Variants in PAX2 observed in about 807,000 individuals in gnomAD.
PAX2 encodes paired box 2.
In PAX2, 9 loss-of-function variants were observed where a neutral mutation model predicts 41.7. That is an observed-to-expected ratio of 0.22 (90% CI 0.13 to 0.38). The LOEUF is 0.38. PAX2 is among the 10% of genes least tolerant of loss of function. PAX2 has a pLI of 1.00. For synonymous variants in PAX2, 221 were observed against 212.7 expected (o/e 1.04, Z -0.34); for missense variants, 418 against 531.6 (o/e 0.79, Z 2.10).
At chr10:100,747,491 A>T (rs4278455) in intron 1 of PAX2, 101,240 of 328,480 alleles carry the variant, frequency 0.31, 16,723 homozygotes, top group East Asian at 0.95. Context: ...TTTTTTTTTT[A>T]AAAGCTAAAA....
Position 100,754,166 on chromosome 10 carries a change from G to A in PAX2, c.410+3275G>A, listed in dbSNP as rs187207505. ...CATGCTACTGAAAAAGGAAAAAGTCGTCTAGTTACATAGCTGAGCAATTGT... is the reference window on the plus strand; with the variant it reads ...CATGCTACTGAAAAAGGAAAAAGTCATCTAGTTACATAGCTGAGCAATTGT... On this transcript the variant is annotated intron_variant, in intron 3 of 9. Coordinates refer to ENST00000355243, the MANE Select transcript of PAX2 (RefSeq NM_000278.5). Among the ~76,000 whole-genome samples the A allele has an allele frequency of 3.1e-3, 477 of 152,240 alleles. 4 individuals carry two copies. The highest frequency in any genetic ancestry group is 0.011 in the African/African-American group (454 of 41,524).
At chr10:100,740,727 T>A (rs1339699997), upstream of PAX2, among the ~76,000 whole-genome samples, 1 of 151,970 alleles carries the variant, frequency 6.6e-6, no homozygotes, top group Admixed American at 6.6e-5. Context: ...GGACTGTGTA[T>A]GTAGTGGCTG....
chr10:100,740,837 A>AC (rs1844929173), upstream of PAX2, among the ~76,000 whole-genome samples: 1 of 152,172 alleles, frequency 6.6e-6, no homozygotes, highest in Admixed American at 6.5e-5. Context: ...AGCCAGAAGT[A>AC]CCAGGGCCTC....
At chr10:100,761,744 C>A (rs1017174991) in intron 3 of PAX2, among the ~76,000 whole-genome samples, 15 of 152,118 alleles carry the variant, frequency 9.9e-5, no homozygotes, top group Non-Finnish European at 2.1e-4. Context: ...GGCTACTGGT[C>A]TCCAGGCCTG....
intron 3 of PAX2, among the ~76,000 whole-genome samples, chr10:100,755,310 G>A (rs117357427): frequency 0.011 from 1,707 of 152,310 alleles, 25 homozygotes; most frequent in Non-Finnish European, 0.016. Context: ...GGGGTTTCTG[G>A]TGAGAGCAAT....
At position 100,827,489 on chromosome 10, in the gene PAX2, G is replaced by C; in HGVS notation, c.1109-54G>C. The C allele has an allele frequency of 6.4e-7, 1 of 1,566,208 alleles. No individual in the cohort carries two copies. The highest frequency in any genetic ancestry group is 8.8e-7 in the Non-Finnish European group (1 of 1,136,772). ...TTTCTGTGCTTTTCTTTCCTTTTTTGTTCTCCTGTTTGTCCTCTCACCCAG... is the reference window on the plus strand; with the variant it reads ...TTTCTGTGCTTTTCTTTCCTTTTTTCTTCTCCTGTTTGTCCTCTCACCCAG... On this transcript the variant is annotated intron_variant, in intron 9 of 9. Coordinates refer to ENST00000355243, the MANE Select transcript of PAX2 (RefSeq NM_000278.5). This position sits in a 1 kb window ranked among gnomAD's most constrained non-coding sequence, Gnocchi z 8.5.
chr10:100,795,361 A>G (rs1453161190), intron 5 of PAX2, among the ~76,000 whole-genome samples: 1 of 152,226 alleles, frequency 6.6e-6, no homozygotes, highest in Non-Finnish European at 1.5e-5. Context: ...ACATCATTAT[A>G]TAATCAGAAT....
At position 100,750,126 on chromosome 10, in the gene PAX2, G is replaced by C; in HGVS notation, c.212+212G>C. 6.6e-6 allele frequency among the ~76,000 whole-genome samples: 1 copy of C among 152,356 alleles called. No individual in the cohort carries two copies. The highest frequency in any genetic ancestry group is 1.9e-4 in the East Asian group (1 of 5,190). On this transcript the variant is annotated intron_variant, in intron 2 of 9. Transcript: ENST00000355243. The surrounding 1 kb of genome is among the most constrained non-coding windows in gnomAD (Gnocchi z 4.1). ...GGTGGCGCAGTGTCACCCAGTGCTT[G>C]CCCTGCCCCTGGTCCCTGGTGAGAA...
At chr10:100,797,978 T>A (rs1476800023) in intron 5 of PAX2, among the ~76,000 whole-genome samples, 2 of 151,894 alleles carry the variant, frequency 1.3e-5, no homozygotes, top group Admixed American at 6.6e-5. Flanking sequence ...ACTCACTGAG[T>A]GTTTAGAAGC....
intron 3 of PAX2, among the ~76,000 whole-genome samples, chr10:100,755,768 A>C (rs1761909392): frequency 6.6e-6 from 1 of 152,164 alleles, no homozygotes; most frequent in Admixed American, 6.5e-5. Flanking sequence ...CCCTTGTCAC[A>C]GGGAAATGGA....
intron 4 of PAX2, among the ~76,000 whole-genome samples, chr10:100,780,768 G>A (rs1846588823): frequency 6.6e-6 from 1 of 152,202 alleles, no homozygotes. Flanking sequence ...GATTGGTAAA[G>A]ACTCAGCCCA....
intron 3 of PAX2, among the ~76,000 whole-genome samples, chr10:100,774,740 T>C (rs1415449158): frequency 6.6e-6 from 1 of 152,216 alleles, no homozygotes; most frequent in African/African-American, 2.4e-5. Context: ...CTATGAAGTG[T>C]ATGGTAGTAT....
chr10:100,821,720 C>G (rs12773936), intron 7 of PAX2, among the ~76,000 whole-genome samples: 1 of 152,046 alleles, frequency 6.6e-6, no homozygotes, highest in South Asian at 2.1e-4. Context: ...GTGACAAAAC[C>G]TTAGATTATA....
At chr10:100,794,642 T>C (rs1487938573) in intron 5 of PAX2, among the ~76,000 whole-genome samples, 2 of 152,170 alleles carry the variant, frequency 1.3e-5, no homozygotes, top group African/African-American at 4.8e-5. Context: ...AACACTGAAC[T>C]CCAGAGACAG....
chr10:100,816,144 A>G (rs1373643798), intron 7 of PAX2, among the ~76,000 whole-genome samples: 2 of 151,700 alleles, frequency 1.3e-5, no homozygotes, highest in Non-Finnish European at 2.9e-5. Context: ...ATCAGAGATC[A>G]GAGAGAGAGA....
chr10:100,795,843 C>T (rs1403235795), intron 5 of PAX2, among the ~76,000 whole-genome samples: 1 of 152,274 alleles, frequency 6.6e-6, no homozygotes. Flanking sequence ...CTAGTGCCCT[C>T]CTACTGGGCT....
chr10:100,790,302 G>C (rs1479114661), intron 5 of PAX2, among the ~76,000 whole-genome samples: 4 of 152,184 alleles, frequency 2.6e-5, no homozygotes, highest in Non-Finnish European at 5.9e-5. Context: ...GGCGGGTGTA[G>C]GTATACCACT....
intron 5 of PAX2, among the ~76,000 whole-genome samples, chr10:100,790,272 C>T (rs1847055289): frequency 6.6e-6 from 1 of 152,222 alleles, no homozygotes; most frequent in Admixed American, 6.5e-5. Context: ...TGTGTCCATC[C>T]ACCGCTGGAA....
Position 100,827,031 on chromosome 10 carries a change from G to C in PAX2, c.1044G>C (p.Pro348=), listed in dbSNP as rs758945096. The C allele has an allele frequency of 1.2e-6, 2 of 1,613,432 alleles. No homozygotes were observed. The highest frequency in any genetic ancestry group is 2.7e-5 in the African/African-American group (2 of 74,910). ...CAGGGAGCGAGTTCTCCGGCAACCC[G>C]TACAGCCACCCCCAGTACACGGCCT... ...MVPGSEFSGN[P]YSHPQYTAYN... Residue 348 remains proline (P), a synonymous_variant, in exon 9 of 10, where the codon CCG becomes CCC. Coordinates refer to ENST00000355243, the MANE Select transcript of PAX2 (RefSeq NM_000278.5). This position sits in a 1 kb window ranked among gnomAD's most constrained non-coding sequence, Gnocchi z 8.5.
Sources: gnomAD v4.1 joint callset for allele counts (sites outside exome capture counted in the v4.1 genomes callset) on GRCh38, gnomAD v4.1.1 for gene constraint, Gnocchi (gnomAD v3.1) non-coding constraint, MANE v1.5 for transcripts, NCBI Gene and HGNC (gene_info 2026-07-23, HGNC 2026-07-21) for gene names.